C9orf40: variants seen among roughly 807,000 people sequenced by gnomAD.
The protein encoded by C9orf40 is uncharacterized protein C9orf40.
In C9orf40, 2 loss-of-function variants were observed where a neutral mutation model predicts 7.9. The ratio of observed to expected loss-of-function variants is 0.25; its 90% CI spans 0.10 to 0.80. The LOEUF is 0.80. Ranked by LOEUF, C9orf40 falls within the 30% of genes least tolerant of loss-of-function variation. The pLI is 0.68. For synonymous variants in C9orf40, 113 were observed against 117.6 expected (o/e 0.96, Z 0.25); for missense variants, 256 against 268.5 (o/e 0.95, Z 0.33).
chr9:74,949,691 A>G (rs1832277134), intron 1 of C9orf40, among the ~76,000 whole-genome samples: 1 of 152,178 alleles, frequency 6.6e-6, no homozygotes, highest in South Asian at 2.1e-4. Context: ...TGAACTGTTT[A>G]CTTCTTTTTG....
Position 74,952,655 on chromosome 9 carries a change from A to C in C9orf40, c.-44T>G, listed in dbSNP as rs1301304984. 2 of 1,491,458 alleles carry C rather than the reference A, an allele frequency of 1.3e-6. No individual in the cohort carries two copies. The highest frequency in any genetic ancestry group is 4.3e-5 in the Admixed American group (2 of 46,264). 92.4% of individuals were successfully genotyped at this position (1,491,458 alleles called of 1,614,324 possible). A position where few individuals can be genotyped will look rare whatever the true frequency, so the allele number is the denominator to read the frequency against. ...GGAGCCCGCCAGGCGCGGGAGACCG[A>C]GTGCCGATAGCTGCGGGGGGCGAAG... On this transcript the variant is annotated 5_prime_UTR_variant, in exon 1 of 2. Transcript: ENST00000376854. The surrounding 1 kb of genome is among the most constrained non-coding windows in gnomAD (Gnocchi z 5.4).
intron 1 of C9orf40, among the ~76,000 whole-genome samples, chr9:74,950,160 G>T (rs1832281339): frequency 6.6e-6 from 1 of 152,220 alleles, no homozygotes; most frequent in African/African-American, 2.4e-5. Context: ...TCTTGGTGAA[G>T]AAAGAACCCC....
chr9:74,949,287 T>C (rs1464025256), intron 1 of C9orf40, among the ~76,000 whole-genome samples: 2 of 152,138 alleles, frequency 1.3e-5, no homozygotes, highest in Non-Finnish European at 2.9e-5. Flanking sequence ...TCCCAGCACT[T>C]TGGGAGGCAG....
In C9orf40 at chr9:74,952,163, G is replaced by GGCCCCCCCCCCCCCCCCC; in HGVS notation, c.426+22_426+23insGGGGGGGGGGGGGGGGGC. ...AAAAGGCAAGCCCCTTCGCCCCTCA[G>GGCCCCCCCCCCCCCCCCC]CCCACCCGCCCCCAGCCCCTACCTG... is the stretch of plus-strand genomic sequence containing the variant. On this transcript the variant is annotated intron_variant, in intron 1 of 1. Coordinates refer to ENST00000376854, the MANE Select transcript of C9orf40 (RefSeq NM_017998.3). The surrounding 1 kb of genome is among the most constrained non-coding windows in gnomAD (Gnocchi z 5.4). 8.5e-6 allele frequency: 3 copies of GGCCCCCCCCCCCCCCCCC among 351,722 alleles called. No individual in the cohort carries two copies. Among genetic ancestry groups the GGCCCCCCCCCCCCCCCCC allele is most frequent in the Non-Finnish European group, 9.4e-6 (2 of 211,684 alleles). The allele number at this position is 351,722 out of a possible 1,614,324, so 21.8% of individuals were successfully genotyped here.
Position 74,952,839 on chromosome 9 carries a change from C to A in C9orf40, c.-228G>T. On this transcript the variant is annotated 5_prime_UTR_variant, in exon 1 of 2. Transcript: ENST00000376854. The surrounding 1 kb of genome is among the most constrained non-coding windows in gnomAD (Gnocchi z 5.4). ...CTCAGCCCTCGCCGCCGCCGAGATG[C>A]GGCCCGGACGTTGAGAAGCAACCGC... 1 of 481,786 alleles carries A rather than the reference C, an allele frequency of 2.1e-6. No homozygotes were observed. Among genetic ancestry groups the A allele is most frequent in the Non-Finnish European group, 3.6e-6 (1 of 274,494 alleles). The allele number at this position is 481,786 out of a possible 1,614,324, so 29.8% of individuals were successfully genotyped here.
At position 74,952,689 on chromosome 9, in the gene C9orf40, C is replaced by G; in HGVS notation, c.-78G>C. The G allele has an allele frequency of 1.5e-6, 2 of 1,360,952 alleles. No homozygotes were observed. The highest frequency in any genetic ancestry group is 2.0e-6 in the Non-Finnish European group (2 of 1,016,336). The allele number at this position is 1,360,952 out of a possible 1,614,324, so 84.3% of individuals were successfully genotyped here. The stretch of plus-strand genomic sequence containing the variant: ...AGCTGCGGGGGGCGAAGAGCGAGGA[C>G]TGAGCGCGTGAGAGAGGGACAGGCC... On this transcript the variant is annotated 5_prime_UTR_variant, in exon 1 of 2. Coordinates refer to ENST00000376854, the MANE Select transcript of C9orf40 (RefSeq NM_017998.3). The surrounding 1 kb of genome is among the most constrained non-coding windows in gnomAD (Gnocchi z 5.4).
chr9:74,951,040 C>T lies in C9orf40; in HGVS notation c.426+1146G>A, dbSNP rs997082880. 3.9e-5 allele frequency among the ~76,000 whole-genome samples: 6 copies of T among 152,114 alleles called. No homozygotes were observed. The East Asian group carries it at 1.2e-3, about 29-fold the overall frequency. ...TCAATATAAAATTGAGCTATTTTATCTTCATTTATTAAATCCACGAAATTT... is the reference window on the plus strand; with the variant it reads ...TCAATATAAAATTGAGCTATTTTATTTTCATTTATTAAATCCACGAAATTT... On this transcript the variant is annotated intron_variant, in intron 1 of 1. Transcript: ENST00000376854.
Position 74,952,256 on chromosome 9 carries a change from CCCGGGAGCCGGGCGCCCG to C in C9orf40, c.338_355del (p.Pro113_Gly119delinsArg). 1 of 1,270,476 alleles carries C rather than the reference CCCGGGAGCCGGGCGCCCG, an allele frequency of 7.9e-7. No individual in the cohort carries two copies. The highest frequency in any genetic ancestry group is 1.5e-5 in the African/African-American group (1 of 64,538). 78.7% of individuals were successfully genotyped at this position (1,270,476 alleles called of 1,614,324 possible). On this transcript the variant is annotated inframe_deletion, in exon 1 of 2. Coordinates refer to ENST00000376854, the MANE Select transcript of C9orf40 (RefSeq NM_017998.3). This position sits in a 1 kb window ranked among gnomAD's most constrained non-coding sequence, Gnocchi z 5.4. ...CCCCGCCCCGTCGTCGCCACCGCCCCCCGGGAGCCGGGCGCCCGGGAGCTCCTCCCCCGGCCCCGGCAG... is the reference window on the plus strand; with the variant it reads ...CCCCGCCCCGTCGTCGCCACCGCCCCGGAGCTCCTCCCCCGGCCCCGGCAG...
At position 74,952,164 on chromosome 9, in the gene C9orf40, C is replaced by A; in HGVS notation, c.426+22G>T. On this transcript the variant is annotated intron_variant, in intron 1 of 1. Transcript: ENST00000376854. The surrounding 1 kb of genome is among the most constrained non-coding windows in gnomAD (Gnocchi z 5.4). ...AAAGGCAAGCCCCTTCGCCCCTCAG[C>A]CCACCCGCCCCCAGCCCCTACCTGG... is the stretch of plus-strand genomic sequence containing the variant. 1 of 257,848 alleles carries A rather than the reference C, an allele frequency of 3.9e-6. No individual in the cohort carries two copies. Among genetic ancestry groups the A allele is most frequent in the Non-Finnish European group, 7.2e-6 (1 of 139,446 alleles). The allele number at this position is 257,848 out of a possible 1,614,324, so 16.0% of individuals were successfully genotyped here. A position where few individuals can be genotyped will look rare whatever the true frequency, so the allele number is the denominator to read the frequency against.
Position 74,947,794 on chromosome 9 carries a change from T to G in C9orf40, c.*254A>C. On this transcript the variant is annotated 3_prime_UTR_variant, in exon 2 of 2. Coordinates refer to ENST00000376854, the MANE Select transcript of C9orf40 (RefSeq NM_017998.3). The stretch of plus-strand genomic sequence containing the variant: ...AAGATCAGTACCTTCAATTCTAGAA[T>G]TTAAACAAAACTTTTTGCTCTAAGA... 3.5e-6 allele frequency: 1 copy of G among 289,444 alleles called. No individual in the cohort carries two copies. The highest frequency in any genetic ancestry group is 1.0e-3 in the Middle Eastern group (1 of 976). 17.9% of individuals were successfully genotyped at this position (289,444 alleles called of 1,614,324 possible). A position where few individuals can be genotyped will look rare whatever the true frequency, so the allele number is the denominator to read the frequency against.
chr9:74,948,341 T>G (rs182416367), intron 1 of C9orf40, 135 bp from the exon 2 acceptor site: 1 of 543,100 alleles, frequency 1.8e-6, no homozygotes, highest in African/African-American at 1.9e-5. Context: ...TTAACAAATA[T>G]ACATTTTAAA....
chr9:74,948,758 G>C (rs1832269606), intron 1 of C9orf40, among the ~76,000 whole-genome samples: 1 of 152,098 alleles, frequency 6.6e-6, no homozygotes. Flanking sequence ...ATGCTCAGTA[G>C]CCACATGACC....
At position 74,952,303 on chromosome 9, in the gene C9orf40, G is replaced by GGGCGGCGGC. The variant is rs778729188; in HGVS notation, c.300_308dup (p.Pro101_Pro103dup). Reference sequence around the variant, plus strand: ...GCTCCTCCCCCGGCCCCGGCAGTACGGGCGGCGGCGGCAGCGGCGGATCGC... The same window carrying GGGCGGCGGC: ...GCTCCTCCCCCGGCCCCGGCAGTACGGGCGGCGGCGGCGGCGGCGGCAGCGGCGGATCGC... On this transcript the variant is annotated inframe_insertion, in exon 1 of 2. Coordinates refer to ENST00000376854, the MANE Select transcript of C9orf40 (RefSeq NM_017998.3). This position sits in a 1 kb window ranked among gnomAD's most constrained non-coding sequence, Gnocchi z 5.4. 92 of 1,364,212 alleles carry GGGCGGCGGC rather than the reference G, an allele frequency of 6.7e-5. 1 individual carries two copies. The highest frequency in any genetic ancestry group is 8.6e-5 in the Non-Finnish European group (91 of 1,060,676). The allele number at this position is 1,364,212 out of a possible 1,614,324, so 84.5% of individuals were successfully genotyped here.
In C9orf40 at chr9:74,952,124, T is replaced by TTG. The variant is rs915034578; in HGVS notation, c.426+60_426+61dup. 1.7e-6 allele frequency: 1 copy of TTG among 587,216 alleles called. No individual in the cohort carries two copies. Among genetic ancestry groups the TTG allele is most frequent in the Non-Finnish European group, 2.5e-6 (1 of 396,156 alleles). The allele number at this position is 587,216 out of a possible 1,614,324, so 36.4% of individuals were successfully genotyped here. On this transcript the variant is annotated intron_variant, in intron 1 of 1. Transcript: ENST00000376854. This position sits in a 1 kb window ranked among gnomAD's most constrained non-coding sequence, Gnocchi z 5.4. ...AGTCATGAGTGGGAACCGGGGCGTT[T>TTG]TGTGTGTGTGGGGAAAAGGCAAGCC...
chr9:74,951,083 T>C (rs1832289688), intron 1 of C9orf40, among the ~76,000 whole-genome samples: 1 of 152,220 alleles, frequency 6.6e-6, no homozygotes, highest in Admixed American at 6.5e-5. Flanking sequence ...ATTTTAAACT[T>C]AGAGCACATT....
rs1238001782 is a variant in C9orf40, at chr9:74,952,377, T to C, written c.235A>G (p.Asn79Asp). ...SPSKRRDSGD[N>D]SAPSGQERED... is the part of the protein sequence containing the mutation. ...CGCTCCTGGCCGCTCGGGGCGCTGTTGTCCCCGCTGTCACGGCGCTTGCTG... is the reference window on the plus strand; with the variant it reads ...CGCTCCTGGCCGCTCGGGGCGCTGTCGTCCCCGCTGTCACGGCGCTTGCTG... The change falls in exon 1 of 2, where the codon AAC becomes GAC. Residue 79 changes from asparagine (N) to aspartate (D), a missense_variant. Coordinates refer to ENST00000376854, the MANE Select transcript of C9orf40 (RefSeq NM_017998.3). This position sits in a 1 kb window ranked among gnomAD's most constrained non-coding sequence, Gnocchi z 5.4. 3.2e-6 allele frequency: 5 copies of C among 1,569,644 alleles called. No homozygotes were observed. The Admixed American group carries it at 7.1e-5, about 22-fold the overall frequency.
In C9orf40 at chr9:74,952,633, G is replaced by A. The variant is rs1171042912; in HGVS notation, c.-22C>T. On this transcript the variant is annotated 5_prime_UTR_variant, in exon 1 of 2. Coordinates refer to ENST00000376854, the MANE Select transcript of C9orf40 (RefSeq NM_017998.3). This position sits in a 1 kb window ranked among gnomAD's most constrained non-coding sequence, Gnocchi z 5.4. ...CCATGGGCCCAGAGGCTCGGGCGGAGCCCGCCAGGCGCGGGAGACCGAGTG... is the reference window on the plus strand; with the variant it reads ...CCATGGGCCCAGAGGCTCGGGCGGAACCCGCCAGGCGCGGGAGACCGAGTG... 4 of 1,527,270 alleles carry A rather than the reference G, an allele frequency of 2.6e-6. No individual in the cohort carries two copies. The South Asian group carries it at 4.8e-5, about 18-fold the overall frequency. 94.6% of individuals were successfully genotyped at this position (1,527,270 alleles called of 1,614,324 possible).
At chr9:74,949,620 G>T (rs998040895) in intron 1 of C9orf40, among the ~76,000 whole-genome samples, 1 of 152,322 alleles carries the variant, frequency 6.6e-6, no homozygotes, top group East Asian at 1.9e-4. Context: ...GAAGTCCCAA[G>T]GGTGAGGGCT....
Position 74,952,220 on chromosome 9 carries a change from G to A in C9orf40, c.392C>T (p.Pro131Leu). 1 of 1,213,558 alleles carries A rather than the reference G, an allele frequency of 8.2e-7. No individual in the cohort carries two copies. The highest frequency in any genetic ancestry group is 1.0e-6 in the Non-Finnish European group (1 of 967,226). 75.2% of individuals were successfully genotyped at this position (1,213,558 alleles called of 1,614,324 possible). ...TGCGACCCCCCAGTCTCCCCGCGGG[G>A]GTCCTGCGCGCCCCGCCCCGTCGTC... is the stretch of plus-strand genomic sequence containing the variant. ...GGDDGAGRAG[P>L]PRGDWGVASR... is the part of the protein sequence containing the mutation. The change falls in exon 1 of 2, where the codon CCC becomes CTC. Residue 131 changes from proline (P) to leucine (L), a missense_variant. Coordinates refer to ENST00000376854, the MANE Select transcript of C9orf40 (RefSeq NM_017998.3). The surrounding 1 kb of genome is among the most constrained non-coding windows in gnomAD (Gnocchi z 5.4).
Sources: gnomAD v4.1 joint callset for allele counts (sites outside exome capture counted in the v4.1 genomes callset) on GRCh38, gnomAD v4.1.1 for gene constraint, Gnocchi (gnomAD v3.1) non-coding constraint, MANE v1.5 for transcripts, NCBI Gene and HGNC (gene_info 2026-07-23, HGNC 2026-07-21) for gene names.